Variants in CACNA1D observed in about 807,000 individuals in gnomAD.
CACNA1D encodes calcium voltage-gated channel subunit alpha1 D, also known as voltage-dependent L-type calcium channel subunit alpha-1D.
A neutral mutation model predicts 257.1 loss-of-function variants in CACNA1D; 55 were observed. The ratio of observed to expected loss-of-function variants is 0.21; its 90% CI spans 0.17 to 0.27. The LOEUF (loss-of-function observed/expected upper bound fraction) is 0.27. Ranked by LOEUF, CACNA1D falls within the 10% of genes least tolerant of loss-of-function variation. The pLI is 1.00. For synonymous variants in CACNA1D, 980 were observed against 1,014.9 expected, an observed-to-expected ratio of 0.97 and a Z score of 0.65; for missense variants, 1,876 against 2,784.0, an observed-to-expected ratio of 0.67 and a Z score of 7.34.
At chr3:53,769,385 T>G (rs1576612194) in intron 30 of CACNA1D, among the ~76,000 whole-genome samples, 1 of 152,058 alleles carries the variant, frequency 6.6e-6, no homozygotes, top group South Asian at 2.1e-4. Context: ...GCAGCGAGGG[T>G]TTCTGTAGGG....
chr3:53,781,760 C>A, intron 39 of CACNA1D, 93 bp downstream of exon 39: 1 of 875,866 alleles, frequency 1.1e-6, no homozygotes, highest in South Asian at 1.3e-5. Flanking sequence ...TTGCAAAATG[C>A]TTTATGTATC....
At chr3:53,717,101 C>A (rs959439832) in intron 9 of CACNA1D, among the ~76,000 whole-genome samples, 33 of 152,356 alleles carry the variant, frequency 2.2e-4, no homozygotes, top group African/African-American at 7.9e-4. Context: ...GGGCAGAGCC[C>A]ATGGGCCAAG....
intron 8 of CACNA1D, among the ~76,000 whole-genome samples, chr3:53,682,365 T>TA (rs3082718): frequency 0.026 from 1,213 of 47,292 alleles, 153 homozygotes; most frequent in African/African-American, 0.066. Context: ...TTGTCTCTGG[T>TA]AAAAAAAAAA....
chr3:53,719,714 C>A, intron 10 of CACNA1D, 41 bp from the exon 11 acceptor site: 1 of 1,599,168 alleles, frequency 6.3e-7, no homozygotes, highest in Non-Finnish European at 8.6e-7. Flanking sequence ...GTGCTCAAGC[C>A]CTCGGAACCA....
At position 53,505,377 on chromosome 3, in the gene CACNA1D, G is replaced by A. The variant is rs193265127; in HGVS notation, c.483+3657G>A. 2.0e-5 allele frequency among the ~76,000 whole-genome samples: 3 copies of A among 152,144 alleles called. No individual in the cohort carries two copies. The East Asian group carries it at 5.8e-4, about 29-fold the overall frequency. On this transcript the variant is annotated intron_variant, in intron 3 of 47. Coordinates refer to ENST00000350061, the MANE Select transcript of CACNA1D (RefSeq NM_001128840.3). Reference sequence around the variant, plus strand: ...GCCCGCCTCGGCCTCCCAAAGTGCTGGAATTACAGGCTTGAGCCACCGCGC... The same window carrying A: ...GCCCGCCTCGGCCTCCCAAAGTGCTAGAATTACAGGCTTGAGCCACCGCGC...
chr3:53,547,993 G>T (rs1324123881), intron 3 of CACNA1D, among the ~76,000 whole-genome samples: 1 of 152,166 alleles, frequency 6.6e-6, no homozygotes, highest in Non-Finnish European at 1.5e-5. Context: ...GGCACATCAG[G>T]CCAGGGAGGA....
chr3:53,636,996 T>C (rs2946522), intron 3 of CACNA1D, among the ~76,000 whole-genome samples: 32,760 of 152,184 alleles, frequency 0.22, 6,465 homozygotes, highest in African/African-American at 0.53. Context: ...CTTCACAGGA[T>C]ACATCTTTAC....
chr3:53,753,858 T>A (rs1435754816), intron 29 of CACNA1D, among the ~76,000 whole-genome samples, 176 bp downstream of exon 29: 1 of 152,200 alleles, frequency 6.6e-6, no homozygotes, highest in African/African-American at 2.4e-5. Flanking sequence ...GGAAAATGAA[T>A]CTGCAAGAAC....
intron 8 of CACNA1D, among the ~76,000 whole-genome samples, chr3:53,684,782 A>G (rs942243085): frequency 1.2e-4 from 18 of 152,186 alleles, no homozygotes; most frequent in African/African-American, 4.1e-4. Flanking sequence ...CACAGAAGAT[A>G]GAAGGAAGTT....
At chr3:53,640,657 G>C (rs752661171) in intron 3 of CACNA1D, among the ~76,000 whole-genome samples, 2 of 152,182 alleles carry the variant, frequency 1.3e-5, no homozygotes, top group Non-Finnish European at 2.9e-5. Context: ...CTTGTACTTG[G>C]TTGGTGCTCA....
intron 11 of CACNA1D, among the ~76,000 whole-genome samples, chr3:53,721,790 A>G (rs1005180243): frequency 1.2e-4 from 18 of 151,968 alleles, no homozygotes; most frequent in Admixed American, 1.1e-3. Flanking sequence ...TTAAGAAAGG[A>G]TTGAAAAGGT....
intron 46 of CACNA1D, chr3:53,808,990 G>A (rs927716056): frequency 1.9e-5 from 11 of 580,828 alleles, no homozygotes; most frequent in Non-Finnish European, 3.3e-5. Context: ...TGAATCCAGG[G>A]AGCCAGCTGC....
intron 3 of CACNA1D, among the ~76,000 whole-genome samples, chr3:53,607,897 A>T (rs1421787722): frequency 6.6e-6 from 1 of 152,210 alleles, no homozygotes; most frequent in Non-Finnish European, 1.5e-5. Context: ...GTCTCTTCAT[A>T]CACCAATCCC....
At chr3:53,550,688 C>T (rs2092514095) in intron 3 of CACNA1D, among the ~76,000 whole-genome samples, 2 of 152,154 alleles carry the variant, frequency 1.3e-5, no homozygotes, top group South Asian at 4.1e-4. Flanking sequence ...CTCTTGCTGT[C>T]TTCATTTTAT....
intron 3 of CACNA1D, among the ~76,000 whole-genome samples, chr3:53,636,633 A>T (rs1339530152): frequency 1.3e-5 from 2 of 152,130 alleles, no homozygotes; most frequent in Non-Finnish European, 2.9e-5. Context: ...TTATATTCTG[A>T]TATTTCCTGT....
chr3:53,779,415 GTGTGTGTGTGTATT>G (rs1559673215), intron 37 of CACNA1D, among the ~76,000 whole-genome samples: 1 of 152,114 alleles, frequency 6.6e-6, no homozygotes. Context: ...GTATGTGTGT[GTGTGTGTGTGTATT>G]TGTGTGTATA....
At chr3:53,786,554 T>C in intron 39 of CACNA1D, 1 of 463,096 alleles carries the variant, frequency 2.2e-6, no homozygotes, top group South Asian at 2.2e-5. Flanking sequence ...TGCTGCTCTA[T>C]TAAACTCATA....
chr3:53,758,449 A>C (rs1459211389), intron 29 of CACNA1D, among the ~76,000 whole-genome samples: 1 of 152,176 alleles, frequency 6.6e-6, no homozygotes, highest in East Asian at 1.9e-4. Context: ...CCGTTCCACA[A>C]ACATTGCCCC....
intron 3 of CACNA1D, among the ~76,000 whole-genome samples, chr3:53,571,066 C>G (rs957816079): frequency 1.3e-5 from 2 of 152,208 alleles, no homozygotes; most frequent in Admixed American, 6.5e-5. Context: ...ACATCCTTGT[C>G]TGCCATTGGT....
Sources: gnomAD v4.1 joint callset for allele counts (sites outside exome capture counted in the v4.1 genomes callset) on GRCh38, gnomAD v4.1.1 for gene constraint, MANE v1.5 for transcripts, NCBI Gene and HGNC (gene_info 2026-07-23, HGNC 2026-07-21) for gene names.